MGAT4C: variants seen among roughly 807,000 people sequenced by gnomAD.
MGAT4C encodes MGAT4 family member C, also known as alpha-1,3-mannosyl-glycoprotein 4-beta-N-acetylglucosaminyltransferase C.
Under a neutral mutation model 40.1 loss-of-function variants are expected in MGAT4C, and 19 were observed. The observed-to-expected ratio is 0.47, with a 90% CI of 0.33 to 0.70. The LOEUF (loss-of-function observed/expected upper bound fraction) is 0.70, where lower values mean the gene tolerates loss of function less well. Ranked by LOEUF, MGAT4C falls within the 30% of genes least tolerant of loss-of-function variation. The probability of loss-of-function intolerance (pLI) is 0.02; values close to 1 mark genes in which losing one functional copy is unlikely to be tolerated. For synonymous variants in MGAT4C, 181 were observed against 187.1 expected (o/e 0.97, Z 0.27); for missense variants, 491 against 563.2 (o/e 0.87, Z 1.30).
intron 1 of MGAT4C, among the ~76,000 whole-genome samples, chr12:86,773,492 A>C (rs1255934839): frequency 6.6e-6 from 1 of 152,274 alleles, no homozygotes; most frequent in South Asian, 2.1e-4. Context: ...ACCCTAGCAA[A>C]CTAATATAGA....
rs556234990 is a variant in MGAT4C, at chr12:86,628,098, T to A, written c.-229+99111A>T. 2.0e-5 allele frequency among the ~76,000 whole-genome samples: 3 copies of A among 152,222 alleles called. No homozygotes were observed. In the East Asian group the frequency reaches 5.8e-4, roughly 29 times the overall value. ...CATGGCAGGAGAACTATGTGACACA[T>A]GCACAAGCTTCAGTAGCTGATTCGA... is the stretch of plus-strand genomic sequence containing the variant. On this transcript the variant is annotated intron_variant, in intron 2 of 7. Coordinates refer to the MGAT4C transcript ENST00000548651.
chr12:86,081,198 G>A (rs1870778893), intron 1 of MGAT4C, among the ~76,000 whole-genome samples: 1 of 152,120 alleles, frequency 6.6e-6, no homozygotes, highest in African/African-American at 2.4e-5. Flanking sequence ...CACTTGAACA[G>A]TTCCTGAATA....
At chr12:86,012,391 G>A (rs1888547153) in intron 2 of MGAT4C, among the ~76,000 whole-genome samples, 1 of 152,062 alleles carries the variant, frequency 6.6e-6, no homozygotes, top group Admixed American at 6.6e-5. Context: ...TTGCATGTCT[G>A]GTTCAATAAG....
At chr12:86,564,092 G>A (rs1490258937) in intron 2 of MGAT4C, among the ~76,000 whole-genome samples, 2 of 152,144 alleles carry the variant, frequency 1.3e-5, no homozygotes, top group Admixed American at 1.3e-4. Context: ...CTTGAAAGAT[G>A]CAGGGGTGGT....
chr12:86,206,326 G>A (rs1216933476), intron 1 of MGAT4C, among the ~76,000 whole-genome samples: 1 of 152,148 alleles, frequency 6.6e-6, no homozygotes, highest in African/African-American at 2.4e-5. Flanking sequence ...ATAAAATTGT[G>A]CTTGGATTAT....
chr12:86,040,458 T>C (rs1449922737), intron 2 of MGAT4C, among the ~76,000 whole-genome samples: 1 of 152,200 alleles, frequency 6.6e-6, no homozygotes, highest in African/African-American at 2.4e-5. Flanking sequence ...GGAGAGGCAG[T>C]CTGGCTGCAG....
intron 2 of MGAT4C, among the ~76,000 whole-genome samples, chr12:86,592,050 AT>A (rs1412163151): frequency 2.0e-5 from 3 of 152,092 alleles, no homozygotes; most frequent in African/African-American, 7.2e-5. Flanking sequence ...GTATTCATCA[AT>A]TTATAGTAGC....
At chr12:86,417,785 GATA>G (rs1225490644) in intron 3 of MGAT4C, among the ~76,000 whole-genome samples, 2 of 152,000 alleles carry the variant, frequency 1.3e-5, no homozygotes, top group East Asian at 1.9e-4. Context: ...TATTAATGGT[GATA>G]ATGATGATAA....
chr12:86,456,001 TAGG>T (rs1329296695), intron 2 of MGAT4C, among the ~76,000 whole-genome samples: 2 of 152,148 alleles, frequency 1.3e-5, no homozygotes, highest in African/African-American at 4.8e-5. Flanking sequence ...TATTAAGCAC[TAGG>T]AGAATTTAAT....
chr12:86,485,843 T>C (rs1958010487), intron 2 of MGAT4C, among the ~76,000 whole-genome samples: 1 of 152,056 alleles, frequency 6.6e-6, no homozygotes, highest in Admixed American at 6.6e-5. Flanking sequence ...GTTGGGTTAC[T>C]TACAAAGAGA....
chr12:86,564,848 C>T (rs1334426957), intron 2 of MGAT4C, among the ~76,000 whole-genome samples: 2 of 152,174 alleles, frequency 1.3e-5, no homozygotes, highest in African/African-American at 4.8e-5. Flanking sequence ...GGCTCTGCAA[C>T]AGGTCCAGGC....
At chr12:86,461,778 G>A (rs1957605666) in intron 2 of MGAT4C, among the ~76,000 whole-genome samples, 1 of 152,060 alleles carries the variant, frequency 6.6e-6, no homozygotes. Context: ...ACAAAATGGG[G>A]GTGGTCAGAA....
At chr12:86,086,805 C>A (rs1031687773) in intron 1 of MGAT4C, among the ~76,000 whole-genome samples, 1 of 151,398 alleles carries the variant, frequency 6.6e-6, no homozygotes, top group Non-Finnish European at 1.5e-5. Flanking sequence ...TTTGTCATAC[C>A]CTCTTTACCC....
At position 86,442,930 on chromosome 12, in the gene MGAT4C, A is replaced by G. The variant is rs111693084; in HGVS notation, c.-228-7665T>C. ...CCCTCCTCCAGCAGAGAGAATTACA[A>G]CTTGTTAGAGGCTCAGATAATACTC... is the stretch of plus-strand genomic sequence containing the variant. On this transcript the variant is annotated intron_variant, in intron 2 of 7. Transcript: ENST00000548651. Among the ~76,000 whole-genome samples the G allele has an allele frequency of 3.2e-3, 491 of 152,302 alleles. 1 individual carries two copies. Among genetic ancestry groups the G allele is most frequent in the African/African-American group, 0.011 (474 of 41,576 alleles).
chr12:86,494,656 A>G (rs1958206650), intron 2 of MGAT4C, among the ~76,000 whole-genome samples: 2 of 151,914 alleles, frequency 1.3e-5, no homozygotes, highest in Admixed American at 6.6e-5. Flanking sequence ...CTTCTACAGG[A>G]AGAAATTAAA....
At chr12:86,459,462 G>T (rs1036142842) in intron 2 of MGAT4C, among the ~76,000 whole-genome samples, 1 of 151,820 alleles carries the variant, frequency 6.6e-6, no homozygotes, top group Non-Finnish European at 1.5e-5. Flanking sequence ...ACATAGGAAG[G>T]GTCTGCAGGT....
intron 2 of MGAT4C, among the ~76,000 whole-genome samples, chr12:86,550,018 T>C (rs1427932264): frequency 1.3e-5 from 2 of 152,104 alleles, no homozygotes; most frequent in Non-Finnish European, 2.9e-5. Context: ...AGCAAGGTGA[T>C]TGGATCATGG....
At position 85,961,711 on chromosome 12, in the gene MGAT4C, C is replaced by A. The variant is rs1036809385; in HGVS notation, c.*17578G>T. 1 of 151,936 alleles carries A rather than the reference C, an allele frequency of 6.6e-6. No individual in the cohort carries two copies. Among genetic ancestry groups the A allele is most frequent in the East Asian group, 1.9e-4 (1 of 5,178 alleles). The allele number at this position is 151,936 out of a possible 1,614,324, so 9.4% of individuals were successfully genotyped here. ...ATTTATTTGAATTTTTCTGGCCTAA[C>A]CTTGTTGGCATGAGAGTTCCCACTT... On this transcript the variant is annotated 3_prime_UTR_variant, in exon 5 of 5. Coordinates refer to ENST00000611864, the MANE Select transcript of MGAT4C (RefSeq NM_001351288.2).
chr12:86,760,610 T>G (rs181926930), intron 1 of MGAT4C, among the ~76,000 whole-genome samples: 322 of 152,182 alleles, frequency 2.1e-3, no homozygotes, highest in Non-Finnish European at 4.0e-3. Flanking sequence ...CAAGAAAGGA[T>G]AGTGATCCCA....
Sources: allele counts gnomAD v4.1 joint callset (sites outside exome capture counted in the v4.1 genomes callset), GRCh38; gene constraint gnomAD v4.1.1; transcripts MANE v1.5; gene names NCBI Gene and HGNC (gene_info 2026-07-23, HGNC 2026-07-21).